The following PCDHGB2 variants were observed in gnomAD, a reference collection of about 807,000 sequenced individuals.
PCDHGB2 encodes the protein protocadherin gamma subfamily B, 2, also known as protocadherin gamma-B2.
Under a neutral mutation model 59.3 loss-of-function variants are expected in PCDHGB2, and 55 were observed. The observed-to-expected ratio is 0.93, with a 90% CI of 0.75 to 1.16. PCDHGB2 has a LOEUF of 1.16. PCDHGB2 is among the 50% of genes most tolerant of loss of function. The pLI is 0.00. For missense variants in PCDHGB2, 1,228 were observed against 1,198.5 expected, an observed-to-expected ratio of 1.02 and a Z score of -0.36; for synonymous variants, 516 against 512.0, an observed-to-expected ratio of 1.01 and a Z score of -0.11.
At chr5:141,388,576 T>C (rs774429693) in intron 1 of PCDHGB2, 13 of 1,613,890 alleles carry the variant, frequency 8.1e-6, no homozygotes, top group South Asian at 3.3e-5. Context: ...ATACACGTTC[T>C]AGTGACTGAT....
chr5:141,437,371 A>C (rs887976412), intron 1 of PCDHGB2, among the ~76,000 whole-genome samples: 1 of 152,262 alleles, frequency 6.6e-6, no homozygotes, highest in African/African-American at 2.4e-5. Context: ...GAATGTAATC[A>C]GTCAGAAGAC....
Position 141,486,989 on chromosome 5 carries a change from G to A in PCDHGB2, c.2422-7818G>A. 1.9e-6 allele frequency: 3 copies of A among 1,614,168 alleles called. No individual in the cohort carries two copies. Among genetic ancestry groups the A allele is most frequent in the Non-Finnish European group, 2.5e-6 (3 of 1,180,034 alleles). On this transcript the variant is annotated intron_variant, in intron 1 of 3. Transcript: ENST00000522605. This position sits in a 1 kb window ranked among gnomAD's most constrained non-coding sequence, Gnocchi z 5.0. ...CTTGGATTCAGGTTACAATGCTTGG[G>A]TTTCCTATCAGCTCCTGGAGGCCCC...
At chr5:141,500,086 A>G (rs1456179271) in intron 2 of PCDHGB2, among the ~76,000 whole-genome samples, 1 of 151,682 alleles carries the variant, frequency 6.6e-6, no homozygotes, top group Non-Finnish European at 1.5e-5. Flanking sequence ...TCCATCTTCC[A>G]TTTTTGCAAT....
At chr5:141,395,521 T>C in intron 1 of PCDHGB2, 1 of 388,366 alleles carries the variant, frequency 2.6e-6, no homozygotes, top group East Asian at 5.0e-5. Context: ...TACCCGTCCA[T>C]ACTGGTAATT....
At chr5:141,415,490 T>C in intron 1 of PCDHGB2, 2 of 1,614,228 alleles carry the variant, frequency 1.2e-6, no homozygotes, top group Admixed American at 3.3e-5. Flanking sequence ...AAGAGTCACC[T>C]GATCTTCCCC....
At chr5:141,392,815 T>C (rs1361544072) in intron 1 of PCDHGB2, 8 of 1,586,560 alleles carry the variant, frequency 5.0e-6, no homozygotes, top group East Asian at 2.2e-5. Flanking sequence ...AAAACAACAA[T>C]GGCCGCTCCA....
intron 1 of PCDHGB2, chr5:141,414,204 T>C (rs748616910): frequency 1.2e-6 from 2 of 1,612,266 alleles, no homozygotes; most frequent in East Asian, 2.2e-5. Flanking sequence ...CAGTAGAAGA[T>C]GTAAATGACA....
chr5:141,394,451 G>A (rs774912185), intron 1 of PCDHGB2: 1 of 1,614,118 alleles, frequency 6.2e-7, no homozygotes, highest in Non-Finnish European at 8.5e-7. Flanking sequence ...GCAGCAACAT[G>A]TCACTGAGCC....
chr5:141,389,694 T>C, intron 1 of PCDHGB2: 1 of 1,612,590 alleles, frequency 6.2e-7, no homozygotes, highest in South Asian at 1.1e-5. Flanking sequence ...CTGGCTGTCC[T>C]ACCACGTGCT....
intron 1 of PCDHGB2, chr5:141,372,038 G>C: frequency 1.2e-6 from 2 of 1,613,506 alleles, no homozygotes; most frequent in South Asian, 1.1e-5. Context: ...ACGTGAGCCT[G>C]CGCGTGTTGG....
Position 141,431,051 on chromosome 5 carries a change from G to C in PCDHGB2, c.2422-63756G>C, listed in dbSNP as rs1280440001. On this transcript the variant is annotated intron_variant, in intron 1 of 3. Coordinates refer to ENST00000522605, the MANE Select transcript of PCDHGB2 (RefSeq NM_018923.3). This position sits in a 1 kb window ranked among gnomAD's most constrained non-coding sequence, Gnocchi z 4.8. ...GATAGACCGGGAGGAGCTCTGTATGGGGGCCATCAAGTGTCAATTAAATCT... is the reference window on the plus strand; with the variant it reads ...GATAGACCGGGAGGAGCTCTGTATGCGGGCCATCAAGTGTCAATTAAATCT... 3 of 1,614,218 alleles carry C rather than the reference G, an allele frequency of 1.9e-6. No homozygotes were observed. Among genetic ancestry groups the C allele is most frequent in the East Asian group, 2.2e-5 (1 of 44,886 alleles).
At chr5:141,421,034 C>G (rs2096540283) in intron 1 of PCDHGB2, 2 of 538,266 alleles carry the variant, frequency 3.7e-6, no homozygotes, top group Non-Finnish European at 6.4e-6. Context: ...CATTGAGTCC[C>G]TCCCTCCCCC....
intron 2 of PCDHGB2, among the ~76,000 whole-genome samples, chr5:141,499,326 C>T (rs1465474737): frequency 6.6e-6 from 1 of 152,156 alleles, no homozygotes. Context: ...TATCCCTGCT[C>T]TCTCTCAGTT....
rs758013542 is a variant in PCDHGB2 at position 141,418,314 on chromosome 5, C to A, written c.2421+55758C>A. 9 of 1,613,988 alleles carry A rather than the reference C, an allele frequency of 5.6e-6. No homozygotes were observed. In the East Asian group the frequency reaches 1.3e-4, roughly 24 times the overall value. On this transcript the variant is annotated intron_variant, in intron 1 of 3. Coordinates refer to ENST00000522605, the MANE Select transcript of PCDHGB2 (RefSeq NM_018923.3). ...GAATCCGTCAGCCTGGGGATGGGAACAATTCTTGAGTCTGCAGAAGATCCT... is the reference window on the plus strand; with the variant it reads ...GAATCCGTCAGCCTGGGGATGGGAAAAATTCTTGAGTCTGCAGAAGATCCT...
chr5:141,464,655 G>T (rs1326749316), intron 1 of PCDHGB2, among the ~76,000 whole-genome samples: 1 of 152,070 alleles, frequency 6.6e-6, no homozygotes. Flanking sequence ...TGGGTAAAAA[G>T]ATATCTCCAA....
chr5:141,390,474 C>A, intron 1 of PCDHGB2: 1 of 688,724 alleles, frequency 1.5e-6, no homozygotes, highest in Non-Finnish European at 2.4e-6. Flanking sequence ...TTGTGTGGCC[C>A]AACATTTGTT....
intron 1 of PCDHGB2, chr5:141,375,548 T>C (rs748936121): frequency 1.1e-5 from 17 of 1,613,892 alleles, no homozygotes; most frequent in Non-Finnish European, 9.3e-6. Flanking sequence ...CCAAGTCTCC[T>C]ACTCACTGGC....
At chr5:141,377,878 G>A (rs568106041) in intron 1 of PCDHGB2, 1 of 152,254 alleles carries the variant, frequency 6.6e-6, no homozygotes, top group East Asian at 1.9e-4. Flanking sequence ...TCTCTTATCA[G>A]AGATAGGATC....
At chr5:141,478,189 C>T (rs774322691) in intron 1 of PCDHGB2, 1 of 1,614,020 alleles carries the variant, frequency 6.2e-7, no homozygotes, top group South Asian at 1.1e-5. Context: ...AAAATCTCAC[C>T]TTTTATCTAC....
Sources: gnomAD v4.1 joint callset for allele counts (sites outside exome capture counted in the v4.1 genomes callset) on GRCh38, gnomAD v4.1.1 for gene constraint, Gnocchi (gnomAD v3.1) non-coding constraint, MANE v1.5 for transcripts, NCBI Gene and HGNC (gene_info 2026-07-23, HGNC 2026-07-21) for gene names.